Variants in NUTF2 observed in about 807,000 individuals in gnomAD.
NUTF2 encodes placental protein 15.
A neutral mutation model predicts 18.5 loss-of-function variants in NUTF2; 3 were observed. The observed-to-expected ratio is 0.16, with a 90% CI of 0.07 to 0.42. The LOEUF (loss-of-function observed/expected upper bound fraction) is 0.42. NUTF2 is among the 10% of genes least tolerant of loss of function. The pLI is 0.99. For synonymous variants in NUTF2, 51 were observed against 57.9 expected (o/e 0.88, Z 0.54); for missense variants, 44 against 160.7 (o/e 0.27, Z 3.93).
At chr16:67,868,758 A>C (rs961626769) in intron 4 of NUTF2, 159 bp downstream of exon 4, 2 of 612,074 alleles carry the variant, frequency 3.3e-6, no homozygotes, top group African/African-American at 3.7e-5. Flanking sequence ...AGCCACATGT[A>C]GGTGGCAATT....
chr16:67,849,532 G>A (rs968714892), intron 1 of NUTF2, among the ~76,000 whole-genome samples: 2 of 151,696 alleles, frequency 1.3e-5, no homozygotes, highest in African/African-American at 4.9e-5. Flanking sequence ...AGTAGAGAAG[G>A]GGTTTCACCA....
chr16:67,860,950 C>G (rs2057931307), intron 1 of NUTF2, among the ~76,000 whole-genome samples: 1 of 152,202 alleles, frequency 6.6e-6, no homozygotes, highest in African/African-American at 2.4e-5. Flanking sequence ...TGTTTGGACT[C>G]TAGGTTTGAT....
intron 1 of NUTF2, among the ~76,000 whole-genome samples, chr16:67,852,874 T>G (rs1462358468): frequency 6.6e-6 from 1 of 151,822 alleles, no homozygotes; most frequent in African/African-American, 2.4e-5. Context: ...AGATGGGGTT[T>G]CTCCATGTTG....
rs181212720 is a variant in NUTF2 at position 67,859,586 on chromosome 16, G to A, written c.-29-5516G>A. Among the ~76,000 whole-genome samples the A allele has an allele frequency of 2.7e-4, 41 of 151,888 alleles. 1 individual carries two copies. The highest frequency in any genetic ancestry group is 2.4e-3 in the Admixed American group (37 of 15,246). On this transcript the variant is annotated intron_variant, in intron 1 of 4. Coordinates refer to ENST00000219169, the MANE Select transcript of NUTF2 (RefSeq NM_005796.3). ...TTGGCCAGGCTTGTCTGGAACTCTC[G>A]ACCTCAGGTGATCCACCCGCCTCAG...
intron 1 of NUTF2, chr16:67,847,332 C>T (rs915381180): frequency 6.6e-6 from 1 of 152,456 alleles, no homozygotes; most frequent in African/African-American, 2.4e-5. Context: ...CTGGCCCGGC[C>T]TGCGCGAGCC....
At chr16:67,851,142 G>A (rs973714431) in intron 1 of NUTF2, among the ~76,000 whole-genome samples, 5 of 151,876 alleles carry the variant, frequency 3.3e-5, no homozygotes, top group African/African-American at 7.3e-5. Context: ...GTTTTATTCC[G>A]TTGCCTTTGG....
At chr16:67,855,309 G>A (rs1456155802) in intron 1 of NUTF2, among the ~76,000 whole-genome samples, 1 of 152,212 alleles carries the variant, frequency 6.6e-6, no homozygotes, top group Non-Finnish European at 1.5e-5. Context: ...GGCTGGGAAC[G>A]TGTCTTAGTG....
chr16:67,856,532 GA>G (rs1227557658), intron 1 of NUTF2, among the ~76,000 whole-genome samples: 1 of 147,356 alleles, frequency 6.8e-6, no homozygotes, highest in Non-Finnish European at 1.5e-5. Context: ...TTTTGAGTCG[GA>G]GTTTTGCTCT....
At position 67,855,880 on chromosome 16, in the gene NUTF2, T is replaced by G. The variant is rs541591999; in HGVS notation, c.-30+8895T>G. 4.0e-5 allele frequency: 17 copies of G among 423,446 alleles called. No individual in the cohort carries two copies. The South Asian group carries it at 5.5e-4, about 14-fold the overall frequency. 26.2% of individuals were successfully genotyped at this position (423,446 alleles called of 1,614,324 possible). On this transcript the variant is annotated intron_variant, in intron 1 of 4. Coordinates refer to ENST00000219169, the MANE Select transcript of NUTF2 (RefSeq NM_005796.3). ...GCTGCATTCCTTGCCACCCGATTTT[T>G]TTTTGGCGGGGGGGGGGGATGGGGG...
At chr16:67,870,643 T>C (rs1443748017) in intron 4 of NUTF2, 157 bp from the exon 5 acceptor site, 2 of 670,640 alleles carry the variant, frequency 3.0e-6, no homozygotes, top group Non-Finnish European at 5.4e-6. Flanking sequence ...ATTACATCAA[T>C]TCACATTCAC....
chr16:67,862,074 G>A (rs1008332488), intron 1 of NUTF2, among the ~76,000 whole-genome samples: 12 of 152,326 alleles, frequency 7.9e-5, no homozygotes, highest in African/African-American at 2.4e-4. Context: ...AGATGGGGAT[G>A]AGGGTGGATG....
At chr16:67,851,978 T>C (rs2057862707) in intron 1 of NUTF2, among the ~76,000 whole-genome samples, 1 of 151,906 alleles carries the variant, frequency 6.6e-6, no homozygotes. Context: ...ACTGTGCCAT[T>C]GCGCTCCAGC....
rs990441857 is a variant in NUTF2 at position 67,868,433 on chromosome 16, G to A, written c.171+22G>A. The A allele has an allele frequency of 8.7e-6, 14 of 1,613,796 alleles. No homozygotes were observed. The Admixed American group carries it at 2.2e-4, about 25-fold the overall frequency. On this transcript the variant is annotated intron_variant, in intron 3 of 4. Transcript: ENST00000219169. ...GTCTGTAAGTAGGGAAGAAAGCCAGGGTGCAGGTGGCTCCTTTCCCACCCC... is the reference window on the plus strand; with the variant it reads ...GTCTGTAAGTAGGGAAGAAAGCCAGAGTGCAGGTGGCTCCTTTCCCACCCC...
rs543928670 is a variant in NUTF2, at chr16:67,855,012, G to GT, written c.-30+8038dup. Among the ~76,000 whole-genome samples, 114 of 146,392 alleles carry GT rather than the reference G, an allele frequency of 7.8e-4. 1 individual carries two copies. Among genetic ancestry groups the GT allele is most frequent in the Admixed American group, 9.6e-4 (14 of 14,658 alleles). The stretch of plus-strand genomic sequence containing the variant: ...CGAACCTTGTGCTGGGTGCTGGTTT[G>GT]TTTTTTTTTTTAATTAATGTTTTGA... On this transcript the variant is annotated intron_variant, in intron 1 of 4. Coordinates refer to ENST00000219169, the MANE Select transcript of NUTF2 (RefSeq NM_005796.3).
At position 67,868,321 on chromosome 16, in the gene NUTF2, T is replaced by C; in HGVS notation, c.100-19T>C. The C allele has an allele frequency of 1.2e-6, 2 of 1,611,410 alleles. No homozygotes were observed. Among genetic ancestry groups the C allele is most frequent in the Non-Finnish European group, 1.7e-6 (2 of 1,178,086 alleles). On this transcript the variant is annotated intron_variant, in intron 2 of 4. Coordinates refer to ENST00000219169, the MANE Select transcript of NUTF2 (RefSeq NM_005796.3). ...GTACTCTGAGGCCCCAACCCTGGGG[T>C]TTCCTGTGCCTTTTTCAGATTGACG... is the stretch of plus-strand genomic sequence containing the variant.
At chr16:67,869,263 T>C (rs2151301467) in intron 4 of NUTF2, among the ~76,000 whole-genome samples, 1 of 151,714 alleles carries the variant, frequency 6.6e-6, no homozygotes, top group South Asian at 2.1e-4. Context: ...TTTTGTATTT[T>C]TAGTAGAGAC....
intron 1 of NUTF2, among the ~76,000 whole-genome samples, chr16:67,861,419 C>T (rs116861767): frequency 0.01 from 1,565 of 152,308 alleles, 17 homozygotes; most frequent in Non-Finnish European, 0.015. Flanking sequence ...TCTCCTGGGT[C>T]AGAGGTTTTA....
At position 67,848,475 on chromosome 16, in the gene NUTF2, C is replaced by G. The variant is rs565523088; in HGVS notation, c.-30+1490C>G. Among the ~76,000 whole-genome samples, 15 of 152,288 alleles carry G rather than the reference C, an allele frequency of 9.8e-5. No homozygotes were observed. The South Asian group carries it at 3.1e-3, about 32-fold the overall frequency. Reference sequence around the variant, plus strand: ...GTGCACTTCTGTAATCCTAGCTACTCAGGAGACTGAGGCAGGAGAATTGCT... The same window carrying G: ...GTGCACTTCTGTAATCCTAGCTACTGAGGAGACTGAGGCAGGAGAATTGCT... On this transcript the variant is annotated intron_variant, in intron 1 of 4. Transcript: ENST00000219169.
chr16:67,871,720 T>C lies in NUTF2; in HGVS notation c.*807T>C, dbSNP rs2058014776. 1 of 152,144 alleles carries C rather than the reference T, an allele frequency of 6.6e-6. No individual in the cohort carries two copies. The highest frequency in any genetic ancestry group is 2.1e-4 in the South Asian group (1 of 4,820). 9.4% of individuals were successfully genotyped at this position (152,144 alleles called of 1,614,324 possible). ...TCACGTTCAGGCCCTCCGGGCTGAG[T>C]TGTCAGCAGTATCAAGGGAGGGGCC... On this transcript the variant is annotated 3_prime_UTR_variant, in exon 5 of 5. Coordinates refer to ENST00000219169, the MANE Select transcript of NUTF2 (RefSeq NM_005796.3).
Sources: gnomAD v4.1 joint callset for allele counts (sites outside exome capture counted in the v4.1 genomes callset) on GRCh38, gnomAD v4.1.1 for gene constraint, MANE v1.5 for transcripts, NCBI Gene and HGNC (gene_info 2026-07-23, HGNC 2026-07-21) for gene names.